The following CADM2 variants were observed in gnomAD, a reference collection of about 807,000 sequenced individuals.
CADM2 encodes the protein immunoglobulin superfamily member 4D.
A neutral mutation model predicts 49.8 loss-of-function variants in CADM2; 12 were observed. That is an observed-to-expected ratio of 0.24 (90% confidence interval 0.15 to 0.39). The LOEUF (loss-of-function observed/expected upper bound fraction) is 0.39. Ranked by LOEUF, CADM2 falls within the 10% of genes least tolerant of loss-of-function variation. The pLI is 1.00. For missense variants in CADM2, 378 were observed against 492.3 expected (o/e 0.77, Z 2.20); for synonymous variants, 214 against 175.4 (o/e 1.22, Z -1.74).
chr3:85,325,118 A>G (rs1276581677), intron 1 of CADM2, among the ~76,000 whole-genome samples: 1 of 152,238 alleles, frequency 6.6e-6, no homozygotes, highest in East Asian at 1.9e-4. Flanking sequence ...TGAGCTGTAA[A>G]GCACACAAAT....
intron 1 of CADM2, among the ~76,000 whole-genome samples, chr3:85,602,361 C>A (rs1435262428): frequency 6.6e-6 from 1 of 151,730 alleles, no homozygotes; most frequent in Non-Finnish European, 1.5e-5. Context: ...GGAGTTCTAG[C>A]AAGCAAACTT....
chr3:85,774,536 G>T (rs1218076443), intron 2 of CADM2, among the ~76,000 whole-genome samples: 1 of 150,864 alleles, frequency 6.6e-6, no homozygotes, highest in South Asian at 2.1e-4. Context: ...TACCTTTTTT[G>T]CAAAAATATT....
At chr3:85,033,662 T>G (rs1292128320) in intron 1 of CADM2, among the ~76,000 whole-genome samples, 1 of 151,596 alleles carries the variant, frequency 6.6e-6, no homozygotes, top group Non-Finnish European at 1.5e-5. Context: ...GAGAAAGGAG[T>G]GAGAGAAAAG....
chr3:85,803,663 A>T (rs2072213182), intron 3 of CADM2, among the ~76,000 whole-genome samples: 1 of 152,152 alleles, frequency 6.6e-6, no homozygotes, highest in South Asian at 2.1e-4. Context: ...GTCCAGAGGC[A>T]GTGTCAGGGA....
At chr3:85,741,737 A>G (rs1391950894) in intron 2 of CADM2, among the ~76,000 whole-genome samples, 4 of 152,210 alleles carry the variant, frequency 2.6e-5, no homozygotes, top group Admixed American at 2.6e-4. Context: ...ATTCAAACTG[A>G]GATTTAAAAA....
intron 2 of CADM2, among the ~76,000 whole-genome samples, chr3:85,792,015 G>A (rs111669514): frequency 0.033 from 5,083 of 152,212 alleles, 256 homozygotes; most frequent in African/African-American, 0.12. Context: ...AAGCCACCGC[G>A]CCTGGCCAGT....
chr3:85,577,065 C>G (rs1226634865), intron 1 of CADM2, among the ~76,000 whole-genome samples: 3 of 152,112 alleles, frequency 2.0e-5, no homozygotes, highest in Non-Finnish European at 4.4e-5. Context: ...GGCAAACCTT[C>G]TATATAGACA....
intron 1 of CADM2, among the ~76,000 whole-genome samples, chr3:85,404,096 G>C (rs963004480): frequency 6.6e-6 from 1 of 151,992 alleles, no homozygotes; most frequent in Non-Finnish European, 1.5e-5. Context: ...TACACAAATT[G>C]CACCTTATCT....
intron 1 of CADM2, among the ~76,000 whole-genome samples, chr3:85,658,325 A>G (rs1009012593): frequency 6.6e-6 from 1 of 151,842 alleles, no homozygotes; most frequent in Admixed American, 6.6e-5. Flanking sequence ...CAAAAGAGAC[A>G]TGAAACAGGT....
intron 3 of CADM2, among the ~76,000 whole-genome samples, chr3:85,880,694 T>C (rs1417180872): frequency 6.6e-6 from 1 of 152,214 alleles, no homozygotes; most frequent in Non-Finnish European, 1.5e-5. Context: ...TAATAAGCTA[T>C]TCTCTTGGGA....
intron 3 of CADM2, among the ~76,000 whole-genome samples, chr3:85,857,077 G>T (rs2075344710): frequency 6.6e-6 from 1 of 152,100 alleles, no homozygotes; most frequent in Admixed American, 6.5e-5. Context: ...TCTCTTTCAG[G>T]TTGTAGACCA....
intron 1 of CADM2, among the ~76,000 whole-genome samples, chr3:85,556,127 T>C (rs1029240755): frequency 6.6e-6 from 1 of 152,158 alleles, no homozygotes; most frequent in Non-Finnish European, 1.5e-5. Context: ...ACCAATAACA[T>C]AAACAGTAGA....
intron 1 of CADM2, among the ~76,000 whole-genome samples, chr3:85,086,583 C>T (rs2037386941): frequency 1.4e-5 from 2 of 142,722 alleles, no homozygotes; most frequent in South Asian, 2.2e-4. Flanking sequence ...GTGATCTTGG[C>T]TCACGGCAGC....
At chr3:85,433,255 A>G (rs2036769540) in intron 1 of CADM2, among the ~76,000 whole-genome samples, 2 of 152,124 alleles carry the variant, frequency 1.3e-5, no homozygotes, top group Admixed American at 1.3e-4. Flanking sequence ...CCTAGGGAAT[A>G]TCAAATGACC....
chr3:85,317,497 A>T (rs887673057), intron 1 of CADM2, among the ~76,000 whole-genome samples: 1 of 152,182 alleles, frequency 6.6e-6, no homozygotes, highest in African/African-American at 2.4e-5. Flanking sequence ...TAAGGAAAAA[A>T]AATTATTTTC....
chr3:85,367,751 C>T (rs898447329), intron 1 of CADM2, among the ~76,000 whole-genome samples: 1 of 151,434 alleles, frequency 6.6e-6, no homozygotes, highest in Non-Finnish European at 1.5e-5. Context: ...GGAGTGATGC[C>T]AAAATAAAAG....
intron 1 of CADM2, among the ~76,000 whole-genome samples, chr3:85,559,274 A>G (rs2062032448): frequency 6.6e-6 from 1 of 152,084 alleles, no homozygotes; most frequent in African/African-American, 2.4e-5. Flanking sequence ...TCATCTTAAT[A>G]TACAATAGGA....
chr3:85,796,869 G>T (rs925749840), intron 2 of CADM2, among the ~76,000 whole-genome samples: 5 of 151,958 alleles, frequency 3.3e-5, no homozygotes, highest in African/African-American at 1.2e-4. Flanking sequence ...GGCCAAGATG[G>T]GCTTATCACG....
At chr3:85,296,836 T>C (rs1341398585) in intron 1 of CADM2, among the ~76,000 whole-genome samples, 1 of 152,142 alleles carries the variant, frequency 6.6e-6, no homozygotes, top group South Asian at 2.1e-4. Context: ...ATCTTTTGAA[T>C]ACAAGTTGCA....
Sources: gnomAD v4.1 joint callset for allele counts (sites outside exome capture counted in the v4.1 genomes callset) on GRCh38, gnomAD v4.1.1 for gene constraint, MANE v1.5 for transcripts, NCBI Gene and HGNC (gene_info 2026-07-23, HGNC 2026-07-21) for gene names.